The following SAXO3 variants were observed in gnomAD, a reference collection of about 807,000 sequenced individuals.
SAXO3 encodes CTB-60B18.10.
At chr19:49,020,034 T>G in the SAXO3 span, 1 of 1,454,844 alleles carries the variant, frequency 6.9e-7, no homozygotes, top group Non-Finnish European at 9.0e-7. Context: ...GTCTCCCATC[T>G]GCTGAGGACC....
the SAXO3 span, chr19:49,019,634 T>G: frequency 8.0e-7 from 1 of 1,253,122 alleles, no homozygotes; most frequent in East Asian, 3.1e-5. Context: ...GGCGCCGGCT[T>G]CCACCCAGAC....
At chr19:49,019,696 C>T in the SAXO3 span, 43 of 1,210,530 alleles carry the variant, frequency 3.6e-5, no homozygotes, top group South Asian at 3.5e-4. Context: ...GGGCTGGGGC[C>T]CGAAGTATTC....
chr19:49,018,246 G>A, the SAXO3 span: 1 of 860,668 alleles, frequency 1.2e-6, no homozygotes, highest in African/African-American at 1.8e-5. Flanking sequence ...CGCGGACAGG[G>A]CGGCCGCTGC....
chr19:49,018,115 G>C, the SAXO3 span: 3 of 399,486 alleles, frequency 7.5e-6, no homozygotes, highest in Non-Finnish European at 1.3e-5. Flanking sequence ...GCCGGAGCGG[G>C]TGCAGCAGGG....
At chr19:49,018,155 G>GCT in the SAXO3 span, 1 of 403,072 alleles carries the variant, frequency 2.5e-6, no homozygotes, top group Non-Finnish European at 4.3e-6. Flanking sequence ...CAGAGACAGG[G>GCT]CTCCCCGGTG....
the SAXO3 span, chr19:49,018,987 C>T: frequency 1.1e-5 from 17 of 1,533,474 alleles, no homozygotes; most frequent in Non-Finnish European, 1.4e-5. Flanking sequence ...GTTCTTCGTC[C>T]AGGCAATTAG....
the SAXO3 span, chr19:49,018,985 T>A: frequency 3.3e-6 from 5 of 1,533,302 alleles, no homozygotes; most frequent in East Asian, 4.9e-5. Flanking sequence ...GGGTTCTTCG[T>A]CCAGGCAATT....
the SAXO3 span, chr19:49,019,295 G>A: frequency 9.2e-7 from 1 of 1,086,690 alleles, no homozygotes; most frequent in Non-Finnish European, 1.2e-6. Context: ...CCCTGGTTCC[G>A]CTCTGTCTTA....
At chr19:49,020,035 G>C in the SAXO3 span, 1 of 1,449,446 alleles carries the variant, frequency 6.9e-7, no homozygotes, top group South Asian at 1.4e-5. Context: ...TCTCCCATCT[G>C]CTGAGGACCT....
chr19:49,019,571 C>T, the SAXO3 span: 11 of 1,221,850 alleles, frequency 9.0e-6, no homozygotes, highest in Admixed American at 3.8e-5. Context: ...GCCCCAAAGC[C>T]GTGATTCCTT....
chr19:49,019,444 C>T, the SAXO3 span: 1 of 1,258,120 alleles, frequency 7.9e-7, no homozygotes, highest in Non-Finnish European at 1.0e-6. Context: ...AGCTCCGCAG[C>T]AGCTTAGGAG....
At chr19:49,017,988 A>G in the SAXO3 span, 9 of 398,408 alleles carry the variant, frequency 2.3e-5, no homozygotes, top group Non-Finnish European at 3.1e-5. Context: ...GCCGGCTTCA[A>G]GCTGCCATAG....
the SAXO3 span, chr19:49,019,413 C>T: frequency 2.0e-5 from 25 of 1,259,128 alleles, no homozygotes; most frequent in East Asian, 3.1e-5. Context: ...TAGTCTCCTC[C>T]CCACCCACAG....
the SAXO3 span, chr19:49,019,850 G>C: frequency 7.0e-6 from 9 of 1,285,256 alleles, no homozygotes; most frequent in Non-Finnish European, 8.3e-6. Context: ...AGGAGCAGGG[G>C]ACTCAAATGC....
the SAXO3 span, among the ~76,000 whole-genome samples, chr19:49,018,682 G>A: frequency 6.6e-6 from 1 of 151,952 alleles, no homozygotes; most frequent in Non-Finnish European, 1.5e-5. Flanking sequence ...TTCCTGAGAG[G>A]TGACACTAAG....
At chr19:49,020,125 C>G in the SAXO3 span, 1 of 863,020 alleles carries the variant, frequency 1.2e-6, no homozygotes, top group African/African-American at 1.8e-5. Context: ...GAGAAGGCGC[C>G]GCACATCAGC....
At chr19:49,019,802 G>T in the SAXO3 span, 1 of 1,239,810 alleles carries the variant, frequency 8.1e-7, no homozygotes, top group Non-Finnish European at 1.1e-6. Flanking sequence ...CAGCCGCGGT[G>T]TCTGAGCTGC....
the SAXO3 span, chr19:49,018,810 C>T: frequency 1.4e-6 from 2 of 1,381,332 alleles, no homozygotes; most frequent in East Asian, 2.5e-5. Flanking sequence ...CCCAGGGGCT[C>T]GGCGTGCACC....
chr19:49,020,464 GTACCTCGGT>G, the SAXO3 span: 1 of 399,178 alleles, frequency 2.5e-6, no homozygotes, highest in Non-Finnish European at 4.4e-6. Context: ...CTGGATCCAG[GTACCTCGGT>G]TGCAGAGATA....
Sources: gnomAD v4.1 joint callset for allele counts (sites outside exome capture counted in the v4.1 genomes callset) on GRCh38, gnomAD v4.1.1 for gene constraint, MANE v1.5 for transcripts, NCBI Gene and HGNC (gene_info 2026-07-23, HGNC 2026-07-21) for gene names.